Variants in TMC1 observed in about 807,000 individuals in gnomAD.
TMC1 encodes the protein transmembrane channel-like protein 1.
TMC1 carries 84 observed loss-of-function variants against 105.8 expected under a neutral mutation model. That is an observed-to-expected ratio of 0.79 (90% CI 0.67 to 0.95). The LOEUF (loss-of-function observed/expected upper bound fraction) is 0.95. Ranked by LOEUF, TMC1 falls within the 40% of genes least tolerant of loss-of-function variation. The pLI is 0.00. For missense variants in TMC1, 817 were observed against 914.1 expected, an observed-to-expected ratio of 0.89 and a Z score of 1.37; for synonymous variants, 315 against 311.5, an observed-to-expected ratio of 1.01 and a Z score of -0.12.
chr9:72,794,162 G>A (rs1828325003), intron 17 of TMC1, among the ~76,000 whole-genome samples: 1 of 152,088 alleles, frequency 6.6e-6, no homozygotes, highest in African/African-American at 2.4e-5. Context: ...TAATTGCAAG[G>A]AGTAATTGCT....
chr9:72,565,336 T>C (rs1391289511), intron 1 of TMC1, among the ~76,000 whole-genome samples: 2 of 151,992 alleles, frequency 1.3e-5, no homozygotes, highest in African/African-American at 4.8e-5. Context: ...AATAGGAGAT[T>C]GGGTACCTTG....
intron 1 of TMC1, among the ~76,000 whole-genome samples, chr9:72,551,002 G>C (rs148017422): frequency 3.9e-5 from 6 of 152,326 alleles, no homozygotes; most frequent in African/African-American, 1.2e-4. Flanking sequence ...CAGATTTACA[G>C]ATGCAATATT....
rs33965711 is a variant in TMC1 at position 72,802,254 on chromosome 9, TATACATAC to T, written c.1567-3102_1567-3095del. Among the ~76,000 whole-genome samples, 1,010 of 149,268 alleles carry T rather than the reference TATACATAC, an allele frequency of 6.8e-3. 9 individuals are homozygous for T. Among genetic ancestry groups the T allele is most frequent in the African/African-American group, 0.024 (957 of 40,532 alleles). On this transcript the variant is annotated intron_variant, in intron 17 of 23. Coordinates refer to ENST00000297784, the MANE Select transcript of TMC1 (RefSeq NM_138691.3). The stretch of plus-strand genomic sequence containing the variant: ...ACATACATACATACATACATACATA[TATACATAC>T]ATACATACATACATACATACATACA...
chr9:72,558,838 G>T (rs1457140297), intron 1 of TMC1, among the ~76,000 whole-genome samples: 1 of 151,952 alleles, frequency 6.6e-6, no homozygotes, highest in Non-Finnish European at 1.5e-5. Context: ...AACTTTTCTG[G>T]TACTACTCTG....
intron 12 of TMC1, among the ~76,000 whole-genome samples, chr9:72,755,092 GAGAGAAAGAAAGAAAGAA>G (rs1827656534): frequency 2.1e-5 from 3 of 146,148 alleles, no homozygotes; most frequent in East Asian, 1.9e-4. Flanking sequence ...GAGAGAGAGA[GAGAGAAAGAAAGAAAGAA>G]AGAGAAAGAA....
chr9:72,710,175 A>T (rs1202609607), intron 8 of TMC1, among the ~76,000 whole-genome samples: 1 of 152,046 alleles, frequency 6.6e-6, no homozygotes, highest in Non-Finnish European at 1.5e-5. Flanking sequence ...ATTTCTTTTG[A>T]TTTCCAATTT....
At chr9:72,621,067 T>C (rs1564449793) in intron 3 of TMC1, among the ~76,000 whole-genome samples, 1 of 152,218 alleles carries the variant, frequency 6.6e-6, no homozygotes, top group East Asian at 1.9e-4. Context: ...TTCTTTAAAA[T>C]GGTGAATTGC....
In TMC1 at chr9:72,805,408, T is replaced by A; in HGVS notation, c.1593T>A (p.Asp531Glu). ...AGTTTGTGAGGCTGACAGTCTCTGA[T>A]GTTCTGACCACCTACGTCACAATCC... ...GQEFVRLTVS[D>E]VLTTYVTILI... Residue 531 changes from aspartate to glutamate, a missense_variant, in exon 18 of 24, where the codon GAT becomes GAA. Physicochemically the swap from Asp to Glu is conservative, Grantham distance 45. Coordinates refer to ENST00000297784, the MANE Select transcript of TMC1 (RefSeq NM_138691.3). The A allele has an allele frequency of 1.2e-6, 2 of 1,614,054 alleles. No individual in the cohort carries two copies. Among genetic ancestry groups the A allele is most frequent in the Non-Finnish European group, 1.7e-6 (2 of 1,179,938 alleles).
chr9:72,676,864 G>A (rs1014679600), intron 5 of TMC1, among the ~76,000 whole-genome samples: 3 of 152,116 alleles, frequency 2.0e-5, no homozygotes, highest in Admixed American at 2.0e-4. Context: ...GTGTGTTTAT[G>A]TGTATTGATT....
chr9:72,719,295 C>T (rs1244373251), intron 8 of TMC1, among the ~76,000 whole-genome samples: 1 of 152,192 alleles, frequency 6.6e-6, no homozygotes, highest in African/African-American at 2.4e-5. Flanking sequence ...TGGCAGCCCT[C>T]CTCAAGGACT....
chr9:72,700,686 T>C (rs1388842787), intron 8 of TMC1, 43 bp downstream of exon 8: 4 of 1,413,872 alleles, frequency 2.8e-6, no homozygotes, highest in Non-Finnish European at 3.9e-6. Flanking sequence ...TTCCCTGATA[T>C]TGATTTTCTA....
intron 3 of TMC1, among the ~76,000 whole-genome samples, chr9:72,620,050 G>A (rs1385841213): frequency 6.6e-6 from 1 of 151,920 alleles, no homozygotes; most frequent in East Asian, 1.9e-4. Context: ...GGCCAGGATA[G>A]TCTCAATCTC....
chr9:72,725,122 T>C (rs1413587379), intron 8 of TMC1, among the ~76,000 whole-genome samples: 1 of 151,722 alleles, frequency 6.6e-6, no homozygotes, highest in Non-Finnish European at 1.5e-5. Flanking sequence ...AATCAAGGCA[T>C]TTTTGTGGCC....
intron 12 of TMC1, among the ~76,000 whole-genome samples, chr9:72,765,639 TAA>T (rs71359521): frequency 1.2e-3 from 163 of 130,426 alleles, no homozygotes; most frequent in African/African-American, 3.3e-3. Flanking sequence ...CCTGTCATAC[TAA>T]AAAAAAAAAA....
chr9:72,788,864 A>G (rs973503788), intron 14 of TMC1, among the ~76,000 whole-genome samples: 1 of 151,968 alleles, frequency 6.6e-6, no homozygotes, highest in African/African-American at 2.4e-5. Context: ...AATTCACTGG[A>G]ATGAAGATTT....
At chr9:72,751,595 A>T (rs1016777105) in intron 10 of TMC1, among the ~76,000 whole-genome samples, 13 of 152,342 alleles carry the variant, frequency 8.5e-5, no homozygotes, top group African/African-American at 2.9e-4. Context: ...ATGGACTATG[A>T]TGGGGTAGGT....
chr9:72,528,639 C>T (rs1823446737), intron 1 of TMC1, among the ~76,000 whole-genome samples: 1 of 152,082 alleles, frequency 6.6e-6, no homozygotes, highest in Non-Finnish European at 1.5e-5. Context: ...TGGCCAAGTT[C>T]ATGATTTTTG....
At chr9:72,650,879 TATAGATATATAGATATATATATAA>T (rs1350713096) in intron 5 of TMC1, among the ~76,000 whole-genome samples, 6 of 131,858 alleles carry the variant, frequency 4.6e-5, no homozygotes, top group East Asian at 4.0e-4. Flanking sequence ...ATTTTATATA[TATAGATATATAGATATATATATAA>T]ATATATATAG....
At chr9:72,591,341 T>C (rs924803729) in intron 2 of TMC1, among the ~76,000 whole-genome samples, 17 of 152,198 alleles carry the variant, frequency 1.1e-4, no homozygotes, top group African/African-American at 4.1e-4. Flanking sequence ...AAAGCCTTGG[T>C]GTCACCCACA....
Sources: allele counts gnomAD v4.1 joint callset (sites outside exome capture counted in the v4.1 genomes callset), GRCh38; gene constraint gnomAD v4.1.1; transcripts MANE v1.5; gene names NCBI Gene and HGNC (gene_info 2026-07-23, HGNC 2026-07-21).